SYT9: variants seen among roughly 807,000 people sequenced by gnomAD.
SYT9 encodes the protein synaptotagmin-9.
Under a neutral mutation model 48.4 loss-of-function variants are expected in SYT9, and 22 were observed. The observed-to-expected ratio is 0.45, with a 90% CI of 0.32 to 0.65. The LOEUF (loss-of-function observed/expected upper bound fraction) is 0.65. SYT9 is among the 30% of genes least tolerant of loss of function. SYT9 has a pLI of 0.03. For missense variants in SYT9, 577 were observed against 622.0 expected, an observed-to-expected ratio of 0.93 and a Z score of 0.77; for synonymous variants, 265 against 245.0, an observed-to-expected ratio of 1.08 and a Z score of -0.76.
At chr11:7,371,587 G>A (rs11041337) in intron 3 of SYT9, among the ~76,000 whole-genome samples, 38,141 of 151,818 alleles carry the variant, frequency 0.25, 6,132 homozygotes, top group East Asian at 0.63. Flanking sequence ...TGACATTTGC[G>A]TTCACACATA....
chr11:7,455,330 A>C (rs1420339214), intron 6 of SYT9, among the ~76,000 whole-genome samples: 1 of 137,872 alleles, frequency 7.3e-6, no homozygotes, highest in African/African-American at 3.0e-5. Flanking sequence ...CCAATGTTTA[A>C]GCTATTTTTT....
chr11:7,247,485 A>T (rs1283727812), upstream of SYT9, among the ~76,000 whole-genome samples: 2 of 148,954 alleles, frequency 1.3e-5, no homozygotes, highest in Non-Finnish European at 3.0e-5. Flanking sequence ...ATATATATAT[A>T]CACACACATA....
rs1011324974 is a variant in SYT9 at position 7,346,198 on chromosome 11, G to A, written c.1044+32257G>A. ...GGCAGCATGTTTAAATAGCTCCGTG[G>A]CACATTTGGCTGCAAAAGGGAAGAG... On this transcript the variant is annotated intron_variant, in intron 3 of 6. Transcript: ENST00000318881. Among the ~76,000 whole-genome samples the A allele has an allele frequency of 1.6e-4, 24 of 152,152 alleles. 1 individual carries two copies. Among genetic ancestry groups the A allele is most frequent in the Admixed American group, 6.5e-5 (1 of 15,278 alleles).
At chr11:7,380,620 G>A (rs1054436076) in intron 3 of SYT9, among the ~76,000 whole-genome samples, 5 of 151,812 alleles carry the variant, frequency 3.3e-5, no homozygotes, top group Admixed American at 3.3e-4. Flanking sequence ...AAGTAGCACA[G>A]CAAAAAATAA....
intron 3 of SYT9, among the ~76,000 whole-genome samples, chr11:7,402,470 C>G (rs1846912813): frequency 6.6e-6 from 1 of 152,088 alleles, no homozygotes; most frequent in Non-Finnish European, 1.5e-5. Flanking sequence ...ACTGTTTCTA[C>G]TCTTGATTAT....
intron 3 of SYT9, among the ~76,000 whole-genome samples, chr11:7,389,264 C>A (rs945856726): frequency 2.6e-5 from 4 of 151,946 alleles, no homozygotes; most frequent in Non-Finnish European, 4.4e-5. Context: ...ACTGGGGACC[C>A]CTGACACAAT....
At chr11:7,349,382 A>AACACACACAC (rs71056799) in intron 3 of SYT9, among the ~76,000 whole-genome samples, 30,960 of 148,076 alleles carry the variant, frequency 0.21, 3,352 homozygotes, top group Non-Finnish European at 0.22. Flanking sequence ...AAAATATACA[A>AACACACACAC]ACACACACAC....
At chr11:7,417,046 G>A (rs1847264465) in intron 4 of SYT9, among the ~76,000 whole-genome samples, 1 of 152,060 alleles carries the variant, frequency 6.6e-6, no homozygotes, top group South Asian at 2.1e-4. Context: ...AAATTCACAA[G>A]CAACCTCTGC....
chr11:7,241,547 T>C (rs1228784781), intron 1 of SYT9, among the ~76,000 whole-genome samples: 9 of 152,264 alleles, frequency 5.9e-5, no homozygotes, highest in Non-Finnish European at 1.0e-4. Flanking sequence ...AGAAGAGAAG[T>C]AGCTAAGGAC....
At chr11:7,432,575 AAAAAAAAATATATATACATATATAT>A (rs1847613407) in intron 6 of SYT9, among the ~76,000 whole-genome samples, 19 of 11,188 alleles carry the variant, frequency 1.7e-3, no homozygotes, top group Non-Finnish European at 2.2e-3. Context: ...AAAAAAAAAA[AAAAAAAAATATATATACATATATAT>A]ATATATATAT....
intron 3 of SYT9, among the ~76,000 whole-genome samples, chr11:7,349,491 G>T (rs1849870008): frequency 6.6e-6 from 1 of 151,798 alleles, no homozygotes; most frequent in South Asian, 2.1e-4. Flanking sequence ...AGTTGCCCCT[G>T]CCTCCAGCCA....
intron 3 of SYT9, among the ~76,000 whole-genome samples, chr11:7,331,736 A>G (rs926958087): frequency 3.3e-5 from 5 of 152,014 alleles, no homozygotes; most frequent in Admixed American, 6.6e-5. Context: ...AATAAAAGCT[A>G]TTTACATTAG....
At chr11:7,401,491 C>G (rs1846892233) in intron 3 of SYT9, among the ~76,000 whole-genome samples, 1 of 151,664 alleles carries the variant, frequency 6.6e-6, no homozygotes. Context: ...CTGTGTAGAA[C>G]TGATATTTTT....
intron 3 of SYT9, among the ~76,000 whole-genome samples, chr11:7,380,209 A>G (rs1381760854): frequency 6.6e-6 from 1 of 152,002 alleles, no homozygotes; most frequent in Non-Finnish European, 1.5e-5. Context: ...CAAACATCAT[A>G]TGTTCTTATT....
chr11:7,319,751 C>T (rs1234857816), intron 3 of SYT9, among the ~76,000 whole-genome samples: 1 of 152,116 alleles, frequency 6.6e-6, no homozygotes, highest in African/African-American at 2.4e-5. Context: ...GTTGTTTATC[C>T]TTTAACGATG....
chr11:7,408,404 A>G (rs1181081482), intron 3 of SYT9, among the ~76,000 whole-genome samples: 1 of 152,254 alleles, frequency 6.6e-6, no homozygotes, highest in Non-Finnish European at 1.5e-5. Flanking sequence ...CTGGGATTAC[A>G]GGCGTGAGCC....
At chr11:7,452,971 G>T (rs1421611990) in intron 6 of SYT9, among the ~76,000 whole-genome samples, 1 of 152,020 alleles carries the variant, frequency 6.6e-6, no homozygotes, top group African/African-American at 2.4e-5. Flanking sequence ...TAGTAGAGAC[G>T]GGGTTTCTTC....
rs944282488 is a variant in SYT9 at position 7,466,925 on chromosome 11, C to G, written c.*125C>G. On this transcript the variant is annotated 3_prime_UTR_variant, in exon 7 of 7. Transcript: ENST00000318881. The stretch of plus-strand genomic sequence containing the variant: ...CAGTGACCAAATGCTCAGCTGTAAC[C>G]ACAGCACTAACTGGCCTTCTTTCCA... 8.3e-7 allele frequency: 1 copy of G among 1,205,880 alleles called. No individual in the cohort carries two copies. The highest frequency in any genetic ancestry group is 1.2e-6 in the Non-Finnish European group (1 of 831,472). The allele number at this position is 1,205,880 out of a possible 1,614,324, so 74.7% of individuals were successfully genotyped here.
chr11:7,450,386 T>C (rs1308098802), intron 6 of SYT9: 1 of 152,226 alleles, frequency 6.6e-6, no homozygotes, highest in African/African-American at 2.4e-5. Flanking sequence ...CTTGAACTTT[T>C]AGCATCTGTC....
Sources: allele counts gnomAD v4.1 joint callset (sites outside exome capture counted in the v4.1 genomes callset), GRCh38; gene constraint gnomAD v4.1.1; transcripts MANE v1.5; gene names NCBI Gene and HGNC (gene_info 2026-07-23, HGNC 2026-07-21).